DCDC2: variants seen among roughly 807,000 people sequenced by gnomAD.
The protein encoded by DCDC2 is doublecortin domain-containing protein 2.
A neutral mutation model predicts 50.2 loss-of-function variants in DCDC2; 40 were observed. The observed-to-expected ratio is 0.80, with a 90% confidence interval of 0.62 to 1.04. The LOEUF is 1.04. DCDC2 is among the 50% of genes least tolerant of loss of function. DCDC2 has a pLI of 0.00. For missense variants in DCDC2, 570 were observed against 581.9 expected (o/e 0.98, Z 0.21); for synonymous variants, 234 against 210.6 (o/e 1.11, Z -0.96).
intron 7 of DCDC2, among the ~76,000 whole-genome samples, chr6:24,268,799 C>G (rs1581622010): frequency 6.6e-6 from 1 of 152,024 alleles, no homozygotes; most frequent in Admixed American, 6.6e-5. Flanking sequence ...CTTGAACCCC[C>G]GACCTCAGGT....
intron 2 of DCDC2, among the ~76,000 whole-genome samples, chr6:24,343,077 G>C (rs1056507715): frequency 1.0e-4 from 14 of 139,434 alleles, no homozygotes; most frequent in African/African-American, 2.5e-4. Context: ...TTTTGAGACA[G>C]AGTCTCTTTC....
At chr6:24,194,526 A>G (rs958846360) in intron 8 of DCDC2, among the ~76,000 whole-genome samples, 2 of 152,158 alleles carry the variant, frequency 1.3e-5, no homozygotes, top group Non-Finnish European at 2.9e-5. Flanking sequence ...CTAAAAATAC[A>G]ATTGTGTATT....
intron 7 of DCDC2, among the ~76,000 whole-genome samples, chr6:24,258,276 G>T (rs553355439): frequency 1.3e-5 from 2 of 151,830 alleles, no homozygotes. Flanking sequence ...GGCTGGGGGC[G>T]GGGGGTGGCC....
intron 2 of DCDC2, among the ~76,000 whole-genome samples, chr6:24,336,339 G>C (rs1234407345): frequency 6.6e-6 from 1 of 151,526 alleles, no homozygotes; most frequent in Non-Finnish European, 1.5e-5. Context: ...TCCACTTATT[G>C]CAAGGAAAAC....
intron 7 of DCDC2, among the ~76,000 whole-genome samples, chr6:24,228,302 G>GT (rs1305804847): frequency 6.6e-6 from 1 of 152,196 alleles, no homozygotes; most frequent in South Asian, 2.1e-4. Flanking sequence ...TTACTCATTG[G>GT]TTTTTTAAAT....
At chr6:24,189,475 A>T (rs1761270249) in intron 8 of DCDC2, among the ~76,000 whole-genome samples, 1 of 152,200 alleles carries the variant, frequency 6.6e-6, no homozygotes, top group Admixed American at 6.5e-5. Flanking sequence ...CACACCTCTG[A>T]CAGTAACAGC....
At chr6:24,259,751 C>A (rs893788688) in intron 7 of DCDC2, among the ~76,000 whole-genome samples, 2 of 152,134 alleles carry the variant, frequency 1.3e-5, no homozygotes, top group Non-Finnish European at 2.9e-5. Flanking sequence ...AATTCCCAGT[C>A]TCAGCAGTCA....
the DCDC2 span, among the ~76,000 whole-genome samples, chr6:24,367,015 T>C: frequency 6.6e-6 from 1 of 152,108 alleles, no homozygotes; most frequent in Non-Finnish European, 1.5e-5. Context: ...TTAAATGTTG[T>C]GGAGGGATGG....
chr6:24,352,763 G>A (rs1384031680), intron 2 of DCDC2, among the ~76,000 whole-genome samples: 1 of 152,092 alleles, frequency 6.6e-6, no homozygotes, highest in African/African-American at 2.4e-5. Context: ...TACTTTTCCT[G>A]TTGGCCATTT....
At chr6:24,308,178 CAT>C (rs893839587) in intron 2 of DCDC2, among the ~76,000 whole-genome samples, 1 of 152,210 alleles carries the variant, frequency 6.6e-6, no homozygotes, top group Non-Finnish European at 1.5e-5. Flanking sequence ...AAAGGAATCC[CAT>C]AGTGTGGAAA....
intron 4 of DCDC2, among the ~76,000 whole-genome samples, chr6:24,291,496 T>G (rs1763748946): frequency 7.8e-6 from 1 of 128,432 alleles, no homozygotes; most frequent in African/African-American, 2.9e-5. Context: ...TTTTTTTTTT[T>G]TTTTTTTGAG....
intron 1 of DCDC2, among the ~76,000 whole-genome samples, chr6:24,356,729 A>G (rs546801420): frequency 1.3e-5 from 2 of 152,356 alleles, no homozygotes; most frequent in South Asian, 4.1e-4. Context: ...TCCTAAAGAC[A>G]AGGAATCATG....
intron 7 of DCDC2, among the ~76,000 whole-genome samples, chr6:24,234,044 G>A (rs557269220): frequency 6.6e-6 from 1 of 152,100 alleles, no homozygotes; most frequent in African/African-American, 2.4e-5. Flanking sequence ...GATAGATTAT[G>A]CACAATGACA....
intron 7 of DCDC2, among the ~76,000 whole-genome samples, chr6:24,245,990 ATTTATT>A (rs967788810): frequency 1.3e-4 from 20 of 152,082 alleles, no homozygotes; most frequent in Admixed American, 6.5e-4. Flanking sequence ...TAGATTTTTT[ATTTATT>A]TTTATTTTTA....
At chr6:24,239,568 C>A (rs139409174) in intron 7 of DCDC2, among the ~76,000 whole-genome samples, 271 of 152,278 alleles carry the variant, frequency 1.8e-3, no homozygotes, top group African/African-American at 6.2e-3. Flanking sequence ...ACATTAGGTC[C>A]AGGAGTGGGC....
At chr6:24,356,337 TATG>T (rs1465915057) in intron 1 of DCDC2, among the ~76,000 whole-genome samples, 1 of 152,234 alleles carries the variant, frequency 6.6e-6, no homozygotes, top group Admixed American at 6.5e-5. Flanking sequence ...ATTCCATTTA[TATG>T]ATATGTCCAG....
At chr6:24,222,976 T>C (rs1723949035) in intron 7 of DCDC2, among the ~76,000 whole-genome samples, 1 of 152,272 alleles carries the variant, frequency 6.6e-6, no homozygotes, top group Admixed American at 6.5e-5. Flanking sequence ...GATTAAAGTG[T>C]ATACTCTTAT....
intron 4 of DCDC2, among the ~76,000 whole-genome samples, chr6:24,292,456 G>C (rs188397464): frequency 6.6e-6 from 1 of 152,282 alleles, no homozygotes; most frequent in African/African-American, 2.4e-5. Flanking sequence ...CAACATTCCT[G>C]AAATGTATTT....
chr6:24,202,428 AAC>A (rs1370513631), intron 8 of DCDC2, among the ~76,000 whole-genome samples: 5 of 152,314 alleles, frequency 3.3e-5, no homozygotes, highest in Admixed American at 2.6e-4. Context: ...GATAAAATTC[AAC>A]ACTCTTTCAT....
Sources: allele counts gnomAD v4.1 joint callset (sites outside exome capture counted in the v4.1 genomes callset), GRCh38; gene constraint gnomAD v4.1.1; transcripts MANE v1.5; gene names NCBI Gene and HGNC (gene_info 2026-07-23, HGNC 2026-07-21).